The following CACNA1C variants were observed in gnomAD, a reference collection of about 807,000 sequenced individuals.
CACNA1C encodes calcium voltage-gated channel subunit alpha1 C.
Under a neutral mutation model 229.0 loss-of-function variants are expected in CACNA1C, and 30 were observed. The observed-to-expected ratio is 0.13, with a 90% CI of 0.10 to 0.18. The LOEUF (loss-of-function observed/expected upper bound fraction) is 0.18, where lower values mean the gene tolerates loss of function less well. Ranked by LOEUF, CACNA1C falls within the 10% of genes least tolerant of loss-of-function variation. The pLI is 1.00. For synonymous variants in CACNA1C, 1,114 were observed against 1,132.5 expected (o/e 0.98, Z 0.33); for missense variants, 1,658 against 2,845.0 (o/e 0.58, Z 9.49).
chr12:2,315,709 ATT>A (rs917672217), intron 3 of CACNA1C, among the ~76,000 whole-genome samples: 1 of 152,212 alleles, frequency 6.6e-6, no homozygotes, highest in African/African-American at 2.4e-5. Flanking sequence ...TTGTACGCAC[ATT>A]AAGTTCTAGG....
At chr12:2,149,545 G>A (rs2095039910) in intron 3 of CACNA1C, among the ~76,000 whole-genome samples, 1 of 152,216 alleles carries the variant, frequency 6.6e-6, no homozygotes, top group South Asian at 2.1e-4. Flanking sequence ...GCAGTAGAGA[G>A]TGGGCTACTG....
At position 2,488,664 on chromosome 12, in the gene CACNA1C, C is replaced by G. The variant is rs1302232545; in HGVS notation, c.916+2402C>G. 6.6e-6 allele frequency among the ~76,000 whole-genome samples: 1 copy of G among 152,206 alleles called. No homozygotes were observed. Among genetic ancestry groups the G allele is most frequent in the East Asian group, 1.9e-4 (1 of 5,200 alleles). On this transcript the variant is annotated intron_variant, in intron 6 of 46. Coordinates refer to ENST00000399655, the MANE Select transcript of CACNA1C (RefSeq NM_000719.7). This position sits in a 1 kb window ranked among gnomAD's most constrained non-coding sequence, Gnocchi z 4.0. ...AAGTAGGCTCCCATCACAGAAATGG[C>G]CATGAGCCAAGGGGGCCAGGACAAC... is the stretch of plus-strand genomic sequence containing the variant.
intron 4 of CACNA1C, among the ~76,000 whole-genome samples, chr12:2,452,760 C>T (rs2099390408): frequency 6.6e-6 from 1 of 152,218 alleles, no homozygotes. Context: ...TCTCCACTCC[C>T]TTCACCGAAT....
chr12:2,678,018 C>A lies in CACNA1C; in HGVS notation c.5091+151C>A, dbSNP rs992850922. On this transcript the variant is annotated intron_variant, in intron 41 of 46. Coordinates refer to ENST00000399655, the MANE Select transcript of CACNA1C (RefSeq NM_000719.7). This position sits in a 1 kb window ranked among gnomAD's most constrained non-coding sequence, Gnocchi z 4.1. ...CTCTTCCTGATGAGCTGTCTCCTCA[C>A]CCCTTTGCCTTTTCCAAGCCTGACT... The A allele has an allele frequency of 1.2e-6, 1 of 865,974 alleles. No homozygotes were observed. The highest frequency in any genetic ancestry group is 1.8e-6 in the Non-Finnish European group (1 of 570,002). 53.6% of individuals were successfully genotyped at this position (865,974 alleles called of 1,614,324 possible).
intron 29 of CACNA1C, among the ~76,000 whole-genome samples, chr12:2,620,761 C>T (rs566982498): frequency 6.6e-6 from 1 of 152,318 alleles, no homozygotes; most frequent in African/African-American, 2.4e-5. Flanking sequence ...CACACATTTG[C>T]AATGGGAAGA....
chr12:2,343,497 G>A (rs890387377), intron 3 of CACNA1C, among the ~76,000 whole-genome samples: 1 of 152,112 alleles, frequency 6.6e-6, no homozygotes, highest in Non-Finnish European at 1.5e-5. Flanking sequence ...TTTTTTGTAA[G>A]TATATCCTAA....
chr12:2,009,573 G>A (rs1311987280), intron 1 of CACNA1C, among the ~76,000 whole-genome samples: 2 of 152,192 alleles, frequency 1.3e-5, no homozygotes, highest in East Asian at 1.9e-4. Flanking sequence ...CTTTCAGGAT[G>A]CCCCTAAGAA....
chr12:2,547,340 C>T (rs1425714310), intron 9 of CACNA1C: 3 of 671,142 alleles, frequency 4.5e-6, no homozygotes, highest in Non-Finnish European at 8.2e-6. Flanking sequence ...AATGGATGTT[C>T]TATGTGAAAG....
chr12:2,415,987 C>G (rs1333388452), intron 3 of CACNA1C, among the ~76,000 whole-genome samples: 1 of 152,290 alleles, frequency 6.6e-6, no homozygotes, highest in Admixed American at 6.5e-5. Flanking sequence ...CCCTTTCTGT[C>G]CTCTCAGAGG....
chr12:2,255,710 T>A (rs1391487025), intron 3 of CACNA1C, among the ~76,000 whole-genome samples: 3 of 151,992 alleles, frequency 2.0e-5, no homozygotes, highest in Non-Finnish European at 4.4e-5. Flanking sequence ...AGATTCCTCC[T>A]CATTGGACAG....
chr12:2,295,980 C>A (rs76540614), intron 3 of CACNA1C, among the ~76,000 whole-genome samples: 8,839 of 152,284 alleles, frequency 0.058, 326 homozygotes, highest in African/African-American at 0.096. Flanking sequence ...CATGTCTCTC[C>A]TATGAGAGCA....
chr12:2,117,142 A>T (rs1044594218), intron 2 of CACNA1C, among the ~76,000 whole-genome samples: 2 of 152,190 alleles, frequency 1.3e-5, no homozygotes, highest in African/African-American at 4.8e-5. Flanking sequence ...GTTGGGGCAC[A>T]TGCCAGTAAT....
At chr12:2,516,126 G>A (rs1189048334) in intron 9 of CACNA1C, among the ~76,000 whole-genome samples, 9 of 152,126 alleles carry the variant, frequency 5.9e-5, no homozygotes, top group East Asian at 1.9e-4. Flanking sequence ...TCTCACGATC[G>A]AGGCAGCATT....
chr12:2,606,700 G>C (rs375650456), intron 25 of CACNA1C, 37 bp downstream of exon 25: 1 of 1,580,674 alleles, frequency 6.3e-7, no homozygotes, highest in South Asian at 1.1e-5. Context: ...GGCCACGGCC[G>C]GTCAGCCCCA....
chr12:2,095,189 C>T (rs1218773033), intron 1 of CACNA1C, among the ~76,000 whole-genome samples: 1 of 152,182 alleles, frequency 6.6e-6, no homozygotes, highest in Non-Finnish European at 1.5e-5. Flanking sequence ...GCAGTCCTGT[C>T]CCCATAAAAC....
At chr12:2,615,538 A>G (rs1050631413) in intron 29 of CACNA1C, among the ~76,000 whole-genome samples, 4 of 152,352 alleles carry the variant, frequency 2.6e-5, no homozygotes, top group African/African-American at 9.6e-5. Context: ...GCTCAATACC[A>G]TTCCAGTTAA....
At chr12:2,687,407 C>G (rs573807008) in intron 45 of CACNA1C, among the ~76,000 whole-genome samples, 9 of 152,338 alleles carry the variant, frequency 5.9e-5, no homozygotes, top group Non-Finnish European at 8.8e-5. Context: ...CTCCCGGGAG[C>G]ACATCCCATC....
rs886049149 is a variant in CACNA1C at position 2,053,349 on chromosome 12, A to G, written c.-214A>G. 1 of 1,327,390 alleles carries G rather than the reference A, an allele frequency of 7.5e-7. No individual in the cohort carries two copies. Among genetic ancestry groups the G allele is most frequent in the Non-Finnish European group, 9.6e-7 (1 of 1,037,250 alleles). The allele number at this position is 1,327,390 out of a possible 1,614,324, so 82.2% of individuals were successfully genotyped here. A position where few individuals can be genotyped will look rare whatever the true frequency, so the allele number is the denominator to read the frequency against. ...GCGTTACAGTTTCACTCGAGGAGGC[A>G]GTAGTGGAAAGGAGCAGTTTTTGGG... On this transcript the variant is annotated 5_prime_UTR_variant, in exon 1 of 47. Coordinates refer to ENST00000399655, the MANE Select transcript of CACNA1C (RefSeq NM_000719.7). The surrounding 1 kb of genome is among the most constrained non-coding windows in gnomAD (Gnocchi z 5.8).
intron 9 of CACNA1C, among the ~76,000 whole-genome samples, chr12:2,534,519 C>T (rs1297234109): frequency 6.6e-6 from 1 of 152,208 alleles, no homozygotes; most frequent in African/African-American, 2.4e-5. Flanking sequence ...CCAATCAACC[C>T]ACTCCTTTCT....
Sources: gnomAD v4.1 joint callset for allele counts (sites outside exome capture counted in the v4.1 genomes callset) on GRCh38, gnomAD v4.1.1 for gene constraint, Gnocchi (gnomAD v3.1) non-coding constraint, MANE v1.5 for transcripts, NCBI Gene and HGNC (gene_info 2026-07-23, HGNC 2026-07-21) for gene names.